NHSL2: variants seen among roughly 807,000 people sequenced by gnomAD.
NHSL2 encodes the protein NHS like 2.
A neutral mutation model predicts 53.4 loss-of-function variants in NHSL2; 27 were observed. That is an observed-to-expected ratio of 0.51 (90% CI 0.37 to 0.70). The LOEUF (loss-of-function observed/expected upper bound fraction) is 0.70, where lower values mean the gene tolerates loss of function less well. NHSL2 is among the 30% of genes least tolerant of loss of function. The pLI is 0.00. For synonymous variants in NHSL2, 408 were observed against 404.1 expected (o/e 1.01, Z -0.12); for missense variants, 892 against 980.1 (o/e 0.91, Z 1.20).
chrX:72,111,874 A>G (rs1460704327), intron 1 of NHSL2, among the ~76,000 whole-genome samples: 1 of 111,544 alleles, frequency 9.0e-6, no homozygotes, highest in Admixed American at 9.6e-5. Flanking sequence ...ACAGTCCAGG[A>G]TAAGGCAAAC....
chrX:71,991,951 T>G (rs2042029517), intron 1 of NHSL2, among the ~76,000 whole-genome samples: 1 of 112,631 alleles, frequency 8.9e-6, no homozygotes, highest in South Asian at 3.6e-4. Context: ...TGGGTTCCTT[T>G]GCATTAGCCA....
chrX:72,131,125 G>A, intron 1 of NHSL2: 2 of 1,201,757 alleles, frequency 1.7e-6, no homozygotes, highest in Non-Finnish European at 2.2e-6. Flanking sequence ...TTGCGGGGGC[G>A]GTTCCTTTGA....
At chrX:71,972,926 G>T (rs189074318) in intron 1 of NHSL2, among the ~76,000 whole-genome samples, 2 of 107,267 alleles carry the variant, frequency 1.9e-5, no homozygotes, top group Admixed American at 2.0e-4. Flanking sequence ...GCTTTCACAG[G>T]TCAAGAAGTT....
chrX:72,134,480 A>G, intron 3 of NHSL2, 29 bp from the exon 4 acceptor site: 1 of 1,126,570 alleles, frequency 8.9e-7, no homozygotes, highest in Non-Finnish European at 1.2e-6. Context: ...GCAGGAATAC[A>G]CCCTTTCCAT....
chrX:71,926,306 T>C (rs1264040545), intron 1 of NHSL2, among the ~76,000 whole-genome samples: 1 of 112,212 alleles, frequency 8.9e-6, no homozygotes, highest in Non-Finnish European at 1.9e-5. Flanking sequence ...CCATTTGCAC[T>C]GTTTTAGGTG....
chrX:72,034,785 G>A (rs953728655), intron 1 of NHSL2, among the ~76,000 whole-genome samples: 2 of 111,614 alleles, frequency 1.8e-5, no homozygotes, highest in African/African-American at 6.5e-5. Context: ...CCTGACATTG[G>A]TGATTTGTGT....
Position 71,910,879 on chromosome X carries a change from CG to C in NHSL2, c.-204del. 1 of 237,391 alleles carries C rather than the reference CG, an allele frequency of 4.2e-6. No individual in the cohort carries two copies. The highest frequency in any genetic ancestry group is 7.5e-6 in the Non-Finnish European group (1 of 133,710). The allele number at this position is 237,391 out of a possible 1,213,427, so 19.6% of individuals were successfully genotyped here. ...GGTGGCTCCGGCGAGTGTGCAGCCC[CG>C]GGGGAGCCGGCGCTCTAGGCGAGGA... On this transcript the variant is annotated 5_prime_UTR_variant, in exon 1 of 8. Transcript: ENST00000633930.
At chrX:71,983,627 C>T (rs2041990247) in intron 1 of NHSL2, among the ~76,000 whole-genome samples, 1 of 109,518 alleles carries the variant, frequency 9.1e-6, no homozygotes, top group African/African-American at 3.3e-5. Flanking sequence ...AAAAATAAAA[C>T]TGTTAAAGGA....
At chrX:72,062,462 C>A (rs757119230) in intron 1 of NHSL2, among the ~76,000 whole-genome samples, 1 of 112,165 alleles carries the variant, frequency 8.9e-6, no homozygotes, top group East Asian at 2.8e-4. Flanking sequence ...AGCAAACTGG[C>A]AGACTGTTGG....
intron 1 of NHSL2, among the ~76,000 whole-genome samples, chrX:72,038,192 G>A (rs751747982): frequency 9.0e-6 from 1 of 111,460 alleles, no homozygotes; most frequent in South Asian, 3.8e-4. Context: ...TCCTTCCCAC[G>A]GTTGTGTAAA....
chrX:72,100,291 A>G (rs1253357330), intron 1 of NHSL2, among the ~76,000 whole-genome samples: 1 of 112,225 alleles, frequency 8.9e-6, no homozygotes, highest in Non-Finnish European at 1.9e-5. Flanking sequence ...CACCTAGGCT[A>G]TATGGTACAG....
chrX:72,145,907 G>A lies in NHSL2; in HGVS notation c.*2333G>A, dbSNP rs1208566671. On this transcript the variant is annotated 3_prime_UTR_variant, in exon 8 of 8. Transcript: ENST00000633930. Reference sequence around the variant, plus strand: ...ATGTTTGTCAGTTACCTTTAGTCTTGTTTTCCTCTACAATACTCTATATGC... The same window carrying A: ...ATGTTTGTCAGTTACCTTTAGTCTTATTTTCCTCTACAATACTCTATATGC... The A allele has an allele frequency of 4.5e-5, 5 of 112,275 alleles. No individual in the cohort carries two copies. The highest frequency in any genetic ancestry group is 9.4e-5 in the Non-Finnish European group (5 of 53,250). 9.3% of individuals were successfully genotyped at this position (112,275 alleles called of 1,213,427 possible).
At chrX:71,918,387 CAA>C (rs775666122) in intron 1 of NHSL2, among the ~76,000 whole-genome samples, 2 of 105,418 alleles carry the variant, frequency 1.9e-5, no homozygotes, top group Non-Finnish European at 3.9e-5. Flanking sequence ...AAAATGGACT[CAA>C]AGAGGAGATG....
chrX:72,141,794 C>T (rs1211473667), intron 6 of NHSL2, among the ~76,000 whole-genome samples: 2 of 111,957 alleles, frequency 1.8e-5, no homozygotes, highest in Non-Finnish European at 3.8e-5. Context: ...TCAATTATGA[C>T]TAAGTCAAGT....
chrX:72,023,332 C>A (rs1020797256), intron 1 of NHSL2, among the ~76,000 whole-genome samples: 1 of 112,493 alleles, frequency 8.9e-6, no homozygotes, highest in Non-Finnish European at 1.9e-5. Flanking sequence ...ATCAGGCTGG[C>A]GGATGCTGGA....
intron 1 of NHSL2, among the ~76,000 whole-genome samples, chrX:72,107,708 C>T (rs1400711444): frequency 9.0e-6 from 1 of 111,639 alleles, no homozygotes; most frequent in Non-Finnish European, 1.9e-5. Flanking sequence ...GGGACAATGT[C>T]ATAGAGACTC....
At chrX:72,134,016 G>A in intron 2 of NHSL2, 75 bp from the exon 3 acceptor site, 6 of 1,065,928 alleles carry the variant, frequency 5.6e-6, no homozygotes, top group South Asian at 2.1e-5. Flanking sequence ...AGGAGTCCTG[G>A]CTCATGGCCC....
At chrX:72,070,758 C>T (rs1248127527) in intron 1 of NHSL2, among the ~76,000 whole-genome samples, 1 of 109,909 alleles carries the variant, frequency 9.1e-6, no homozygotes, top group East Asian at 2.8e-4. Context: ...CCACCACACA[C>T]ACACACACCC....
At chrX:72,109,643 A>G (rs2042074768) in intron 1 of NHSL2, among the ~76,000 whole-genome samples, 1 of 110,875 alleles carries the variant, frequency 9.0e-6, no homozygotes, top group African/African-American at 3.3e-5. Flanking sequence ...TAATTTTTGT[A>G]TTTTTAGTAG....
Sources: allele counts gnomAD v4.1 joint callset (sites outside exome capture counted in the v4.1 genomes callset), GRCh38; gene constraint gnomAD v4.1.1; transcripts MANE v1.5; gene names NCBI Gene and HGNC (gene_info 2026-07-23, HGNC 2026-07-21).